SNX29: variants seen among roughly 807,000 people sequenced by gnomAD.
SNX29 encodes sorting nexin-29.
SNX29 carries 78 observed loss-of-function variants against 102.1 expected under a neutral mutation model. The ratio of observed to expected loss-of-function variants is 0.76; its 90% CI spans 0.64 to 0.92. The LOEUF is 0.92. Among genes scored for constraint, SNX29 ranks in the 40% least tolerant of loss-of-function variants. SNX29 has a pLI of 0.00. For synonymous variants in SNX29, 580 were observed against 414.5 expected (o/e 1.40, Z -4.85); for missense variants, 1,280 against 1,061.7 (o/e 1.21, Z -2.86).
intron 18 of SNX29, among the ~76,000 whole-genome samples, chr16:12,453,981 T>G (rs564580693): frequency 3.3e-5 from 5 of 152,258 alleles, no homozygotes; most frequent in African/African-American, 1.2e-4. Context: ...TCCTTATCTC[T>G]TAGTAACAGA....
intron 1 of SNX29, 153 bp downstream of exon 1, chr16:11,976,966 C>G: frequency 9.7e-7 from 1 of 1,027,592 alleles, no homozygotes. Context: ...CCCAGGACTC[C>G]CGGCTCGTGG....
At chr16:12,207,233 G>C (rs1419030035) in intron 14 of SNX29, among the ~76,000 whole-genome samples, 2 of 152,128 alleles carry the variant, frequency 1.3e-5, no homozygotes, top group Non-Finnish European at 2.9e-5. Flanking sequence ...GCTAGGTGTG[G>C]TGGCAGGCGC....
At chr16:12,161,451 T>A (rs1268390479) in intron 13 of SNX29, among the ~76,000 whole-genome samples, 1 of 152,178 alleles carries the variant, frequency 6.6e-6, no homozygotes, top group East Asian at 1.9e-4. Context: ...AGGCTGCAGC[T>A]TCTTTAAGTG....
intron 14 of SNX29, among the ~76,000 whole-genome samples, chr16:12,224,975 C>T (rs539272782): frequency 6.6e-6 from 1 of 152,226 alleles, no homozygotes; most frequent in Admixed American, 6.5e-5. Context: ...ATGCTCTGCT[C>T]TGTTCCAGCA....
intron 16 of SNX29, among the ~76,000 whole-genome samples, chr16:12,396,103 G>T (rs1435507047): frequency 6.6e-6 from 1 of 152,144 alleles, no homozygotes; most frequent in Non-Finnish European, 1.5e-5. Flanking sequence ...AAGTCAGAAG[G>T]ATTGAACCAC....
intron 14 of SNX29, among the ~76,000 whole-genome samples, chr16:12,254,984 G>A (rs1332098186): frequency 2.0e-5 from 3 of 152,132 alleles, no homozygotes; most frequent in Admixed American, 6.5e-5. Flanking sequence ...TGGCAGGGAC[G>A]TGCAGCAGGA....
At chr16:12,030,126 A>G (rs1211158312) in intron 4 of SNX29, among the ~76,000 whole-genome samples, 3 of 152,130 alleles carry the variant, frequency 2.0e-5, no homozygotes, top group East Asian at 1.9e-4. Context: ...CTCTTGGCAC[A>G]CTTTCTTCTT....
At chr16:12,077,056 T>G (rs1374900493) in intron 10 of SNX29, among the ~76,000 whole-genome samples, 1 of 152,188 alleles carries the variant, frequency 6.6e-6, no homozygotes. Context: ...GGAGGATTAC[T>G]TGAGGCCGGG....
chr16:12,560,412 T>C (rs942587834), intron 20 of SNX29, among the ~76,000 whole-genome samples: 1 of 152,188 alleles, frequency 6.6e-6, no homozygotes, highest in Admixed American at 6.5e-5. Flanking sequence ...AAAGCCACAG[T>C]GTCTGTCCTG....
chr16:12,060,741 C>G, intron 8 of SNX29: 1 of 455,938 alleles, frequency 2.2e-6, no homozygotes, highest in Non-Finnish European at 4.4e-6. Flanking sequence ...TTCTTGATTG[C>G]TCAGAGGCAA....
In SNX29 at chr16:12,571,980, T is replaced by TCA. The variant is rs2079197415; in HGVS notation, c.*3354_*3355dup. On this transcript the variant is annotated 3_prime_UTR_variant, in exon 21 of 21. Coordinates refer to ENST00000566228, the MANE Select transcript of SNX29 (RefSeq NM_032167.5). Reference sequence around the variant, plus strand: ...TTACAGTCTATGGTGGTAGCCATCTTCACATCCAGTCACCAGTTGCATCTA... The same window carrying TCA: ...TTACAGTCTATGGTGGTAGCCATCTTCACACATCCAGTCACCAGTTGCATCTA... 2 of 1,061,796 alleles carry TCA rather than the reference T, an allele frequency of 1.9e-6. No individual in the cohort carries two copies. Among genetic ancestry groups the TCA allele is most frequent in the Non-Finnish European group, 2.3e-6 (2 of 877,094 alleles). 65.8% of individuals were successfully genotyped at this position (1,061,796 alleles called of 1,614,324 possible).
intron 20 of SNX29, among the ~76,000 whole-genome samples, chr16:12,554,872 G>A (rs970141231): frequency 6.6e-6 from 1 of 152,178 alleles, no homozygotes; most frequent in African/African-American, 2.4e-5. Flanking sequence ...AGAGGACAAA[G>A]ATATGTCAGC....
intron 14 of SNX29, among the ~76,000 whole-genome samples, chr16:12,211,701 G>A (rs1167173626): frequency 6.6e-6 from 1 of 152,150 alleles, no homozygotes; most frequent in Non-Finnish European, 1.5e-5. Flanking sequence ...AACTGATGTT[G>A]CAACTCAAGT....
At chr16:12,054,983 C>A (rs2050460105) in intron 8 of SNX29, among the ~76,000 whole-genome samples, 1 of 152,100 alleles carries the variant, frequency 6.6e-6, no homozygotes, top group South Asian at 2.1e-4. Flanking sequence ...TTTGTTAGGG[C>A]AGCTTTTCAG....
chr16:12,202,255 C>T (rs905951), intron 14 of SNX29, among the ~76,000 whole-genome samples: 31,533 of 151,382 alleles, frequency 0.21, 3,359 homozygotes, highest in East Asian at 0.26. Flanking sequence ...CCTTTTTTTT[C>T]TCTCTCCAAG....
chr16:12,526,124 C>G (rs62030408), intron 20 of SNX29, among the ~76,000 whole-genome samples: 2,789 of 152,282 alleles, frequency 0.018, 35 homozygotes, highest in Non-Finnish European at 0.028. Flanking sequence ...GGGACTTATT[C>G]GAGAAGCACT....
chr16:12,294,020 C>G (rs1054829145), intron 15 of SNX29, among the ~76,000 whole-genome samples: 3 of 152,212 alleles, frequency 2.0e-5, no homozygotes, highest in Admixed American at 1.3e-4. Context: ...TGCTCAGATT[C>G]CAGACCTGAA....
Position 12,572,706 on chromosome 16 carries a change from C to T in SNX29, c.*4077C>T. The T allele has an allele frequency of 9.4e-7, 1 of 1,063,934 alleles. No individual in the cohort carries two copies. Among genetic ancestry groups the T allele is most frequent in the Non-Finnish European group, 1.1e-6 (1 of 878,412 alleles). 65.9% of individuals were successfully genotyped at this position (1,063,934 alleles called of 1,614,324 possible). ...AAGCCCTGCACTCCAGCAGCATCTT[C>T]CAGCCTTGGCACAGAACTGATGGCA... On this transcript the variant is annotated 3_prime_UTR_variant, in exon 21 of 21. Transcript: ENST00000566228.
chr16:12,286,294 G>T (rs981250930), intron 15 of SNX29, among the ~76,000 whole-genome samples: 1 of 151,924 alleles, frequency 6.6e-6, no homozygotes, highest in African/African-American at 2.4e-5. Flanking sequence ...AGCAGGATAG[G>T]TGTAATTCCC....
Sources: allele counts gnomAD v4.1 joint callset (sites outside exome capture counted in the v4.1 genomes callset), GRCh38; gene constraint gnomAD v4.1.1; transcripts MANE v1.5; gene names NCBI Gene and HGNC (gene_info 2026-07-23, HGNC 2026-07-21).